The following DRGX variants were observed in gnomAD, a reference collection of about 807,000 sequenced individuals.
DRGX encodes the protein dorsal root ganglia homeobox.
In DRGX, 21 loss-of-function variants were observed where a neutral mutation model predicts 28.6. That is an observed-to-expected ratio of 0.73 (90% CI 0.52 to 1.06). DRGX has a LOEUF of 1.06. DRGX is among the 50% of genes least tolerant of loss of function. The pLI, the probability that DRGX is intolerant of heterozygous loss-of-function variation, is 0.00. For synonymous variants in DRGX, 136 were observed against 139.1 expected (o/e 0.98, Z 0.16); for missense variants, 354 against 343.9 (o/e 1.03, Z -0.23).
rs535862256 is a variant in DRGX, at chr10:49,371,685, C to T, written c.527-5304G>A. Among the ~76,000 whole-genome samples, 23 of 149,304 alleles carry T rather than the reference C, an allele frequency of 1.5e-4. 1 individual carries two copies. Among genetic ancestry groups the T allele is most frequent in the East Asian group, 6.0e-4 (3 of 4,974 alleles). On this transcript the variant is annotated intron_variant, in intron 6 of 6. Transcript: ENST00000374139. ...TGTGCTCCTGTAATCCCAGGTACTC[C>T]GGAGGCTAAGGTAGGAGAATCGCTT...
At chr10:49,372,329 C>G (rs897949546) in intron 6 of DRGX, among the ~76,000 whole-genome samples, 9 of 152,032 alleles carry the variant, frequency 5.9e-5, no homozygotes, top group African/African-American at 2.2e-4. Context: ...TCTCTGGGGC[C>G]AGAAAAGCCA....
rs529575183 is a variant in DRGX, at chr10:49,378,252, T to TA, written c.526+8225dup. Among the ~76,000 whole-genome samples, 113 of 151,146 alleles carry TA rather than the reference T, an allele frequency of 7.5e-4. No homozygotes were observed. In the South Asian group the frequency reaches 0.016, roughly 21 times the overall value. On this transcript the variant is annotated intron_variant, in intron 6 of 6. Coordinates refer to ENST00000374139, the MANE Select transcript of DRGX (RefSeq NM_001276451.2). Reference sequence around the variant, plus strand: ...ATATTTAATTGATAAAGGGTATCTTTAAAAAAAAAGGCAGCAAACACAACT... The same window carrying TA: ...ATATTTAATTGATAAAGGGTATCTTTAAAAAAAAAAGGCAGCAAACACAACT...
At chr10:49,374,982 T>C (rs1277505627) in intron 6 of DRGX, among the ~76,000 whole-genome samples, 1 of 152,224 alleles carries the variant, frequency 6.6e-6, no homozygotes, top group African/African-American at 2.4e-5. Context: ...CTAATAAACA[T>C]TTTGTGAGTC....
chr10:49,381,416 G>A (rs184974612), intron 6 of DRGX, among the ~76,000 whole-genome samples: 44 of 152,334 alleles, frequency 2.9e-4, no homozygotes, highest in East Asian at 2.3e-3. Context: ...CCTCTGGCCC[G>A]AGCAGCCCTG....
intron 2 of DRGX, among the ~76,000 whole-genome samples, chr10:49,393,735 G>A (rs1375849465): frequency 1.3e-5 from 2 of 152,172 alleles, no homozygotes; most frequent in Non-Finnish European, 2.9e-5. Context: ...CATCTACAAA[G>A]GGATGAAAGG....
At chr10:49,395,588 G>A in intron 1 of DRGX, 67 bp from the exon 2 acceptor site, 1 of 917,682 alleles carries the variant, frequency 1.1e-6, no homozygotes, top group Non-Finnish European at 1.7e-6. Context: ...GCCCTAGGGC[G>A]CACCCGGCGC....
intron 6 of DRGX, among the ~76,000 whole-genome samples, chr10:49,369,568 A>C (rs1009381759): frequency 1.4e-4 from 21 of 152,150 alleles, no homozygotes; most frequent in African/African-American, 4.8e-4. Context: ...CAGAGACAGA[A>C]GTAGAATGAC....
chr10:49,395,841 G>C (rs1480342913), intron 1 of DRGX, 94 bp downstream of exon 1: 5 of 264,628 alleles, frequency 1.9e-5, no homozygotes, highest in Admixed American at 5.5e-5. Flanking sequence ...TAGCGCGCAA[G>C]GCCATCTGCG....
At chr10:49,371,791 C>CAA (rs563658320) in intron 6 of DRGX, among the ~76,000 whole-genome samples, 490 of 44,908 alleles carry the variant, frequency 0.011, 24 homozygotes, top group African/African-American at 0.02. Context: ...GACTCCATCT[C>CAA]AAAAAAAAAA....
intron 6 of DRGX, among the ~76,000 whole-genome samples, chr10:49,373,816 A>T (rs929758250): frequency 6.6e-6 from 1 of 152,216 alleles, no homozygotes; most frequent in Admixed American, 6.5e-5. Flanking sequence ...ACTAAAACAC[A>T]TATATGCATG....
intron 6 of DRGX, among the ~76,000 whole-genome samples, chr10:49,379,007 T>G (rs1849745918): frequency 6.6e-6 from 1 of 152,242 alleles, no homozygotes; most frequent in Admixed American, 6.5e-5. Flanking sequence ...CTAGAACTTT[T>G]GCATGCTAAC....
intron 1 of DRGX, 88 bp downstream of exon 1, chr10:49,395,847 C>T: frequency 3.9e-6 from 1 of 256,566 alleles, no homozygotes. Context: ...GCAAGGCCAT[C>T]TGCGAGCTGC....
At chr10:49,373,292 C>A (rs1849680388) in intron 6 of DRGX, among the ~76,000 whole-genome samples, 1 of 151,674 alleles carries the variant, frequency 6.6e-6, no homozygotes, top group Admixed American at 6.6e-5. Context: ...ATATTTAGTA[C>A]CATGAAAAAG....
At chr10:49,368,558 C>A (rs942607142) in intron 6 of DRGX, among the ~76,000 whole-genome samples, 4 of 152,248 alleles carry the variant, frequency 2.6e-5, no homozygotes, top group Admixed American at 2.6e-4. Context: ...GAGATGACAG[C>A]TTTTGCTGGG....
chr10:49,392,449 T>C (rs76758420), intron 2 of DRGX, among the ~76,000 whole-genome samples: 609 of 152,372 alleles, frequency 4.0e-3, no homozygotes, highest in African/African-American at 0.013. Context: ...CTCAAAACCT[T>C]AGTTACAGGT....
rs555971914 is a variant in DRGX, at chr10:49,391,352, C to T, written c.35-91G>A. 7.4e-5 allele frequency: 71 copies of T among 965,160 alleles called. No individual in the cohort carries two copies. The Middle Eastern group carries it at 1.1e-3, about 14-fold the overall frequency. 59.8% of individuals were successfully genotyped at this position (965,160 alleles called of 1,614,324 possible). On this transcript the variant is annotated intron_variant, in intron 2 of 6. Transcript: ENST00000374139. ...CAGTTCAGAGGGCACCCACCTGACC[C>T]ACCAGACAGGAAGCCCTGTTTGTCC... is the stretch of plus-strand genomic sequence containing the variant.
At chr10:49,368,465 A>G (rs1849622013) in intron 6 of DRGX, among the ~76,000 whole-genome samples, 1 of 152,234 alleles carries the variant, frequency 6.6e-6, no homozygotes, top group Admixed American at 6.5e-5. Context: ...TCAAACCCCG[A>G]GGCCTGGCTG....
At chr10:49,372,628 G>A (rs1300077125) in intron 6 of DRGX, among the ~76,000 whole-genome samples, 2 of 152,210 alleles carry the variant, frequency 1.3e-5, no homozygotes, top group Non-Finnish European at 1.5e-5. Context: ...TCCATGACCA[G>A]CTGAAGAACC....
In DRGX at chr10:49,386,821, G is replaced by C; in HGVS notation, c.272C>G (p.Thr91Arg). The change falls in exon 5 of 7, where the codon ACA becomes AGA. Residue 91 changes from threonine to arginine, a missense_variant. Physicochemically the swap from Thr to Arg is moderately conservative, Grantham distance 71. Coordinates refer to ENST00000374139, the MANE Select transcript of DRGX (RefSeq NM_001276451.2). Reference protein sequence around the residue: ...FQNRRAKWRKTERGASDQEPG... With the variant: ...FQNRRAKWRKRERGASDQEPG... ...CTCCTGGTCTGAGGCCCCTCTCTCT[G>C]TCTTCCTCCATTTGGCCCTTCTGTT... is the stretch of plus-strand genomic sequence containing the variant. 6.3e-7 allele frequency: 1 copy of C among 1,589,458 alleles called. No individual in the cohort carries two copies. Among genetic ancestry groups the C allele is most frequent in the Non-Finnish European group, 8.5e-7 (1 of 1,170,806 alleles).
Sources: allele counts gnomAD v4.1 joint callset (sites outside exome capture counted in the v4.1 genomes callset), GRCh38; gene constraint gnomAD v4.1.1; transcripts MANE v1.5; gene names NCBI Gene and HGNC (gene_info 2026-07-23, HGNC 2026-07-21).